The following ABCC10 variants were observed in gnomAD, a reference collection of about 807,000 sequenced individuals.
ABCC10 encodes the protein ATP binding cassette subfamily C member 10, also known as ATP-binding cassette sub-family C member 10.
A neutral mutation model predicts 143.2 loss-of-function variants in ABCC10; 110 were observed. That is an observed-to-expected ratio of 0.77 (90% CI 0.66 to 0.90). The LOEUF (loss-of-function observed/expected upper bound fraction) is 0.90, where lower values mean the gene tolerates loss of function less well. ABCC10 is among the 40% of genes least tolerant of loss of function. The probability of loss-of-function intolerance (pLI) is 0.00; values close to 1 mark genes in which losing one functional copy is unlikely to be tolerated. For missense variants in ABCC10, 1,700 were observed against 1,900.5 expected (o/e 0.89, Z 1.96); for synonymous variants, 805 against 846.7 (o/e 0.95, Z 0.85).
At position 43,449,264 on chromosome 6, in the gene ABCC10, G is replaced by A. The variant is rs944760656; in HGVS notation, c.4203+60G>A. ...GGAAGAAGGCTGGGGGCCGGGAGGT[G>A]GGGAGGTAGAGTGGGGAGAGGTTTT... On this transcript the variant is annotated intron_variant, in intron 20 of 21. Coordinates refer to ENST00000372530, the MANE Select transcript of ABCC10 (RefSeq NM_001198934.2). 15 of 1,586,198 alleles carry A rather than the reference G, an allele frequency of 9.5e-6. No homozygotes were observed. In the African/African-American group the frequency reaches 1.5e-4, roughly 16 times the overall value.
Position 43,433,005 on chromosome 6 carries a change from A to G in ABCC10, c.1025A>G (p.Asn342Ser), listed in dbSNP as rs150374334. Reference protein sequence around the residue: ...GGAVLGAVLQNQYGYEVYKVT... With the variant: ...GGAVLGAVLQSQYGYEVYKVT... Reference sequence around the variant, plus strand: ...GCTGTGCTGGGTGCTGTGCTGCAGAATCAGTATGGGTATGAGGTATATAAG... The same window carrying G: ...GCTGTGCTGGGTGCTGTGCTGCAGAGTCAGTATGGGTATGAGGTATATAAG... Residue 342 changes from asparagine (N) to serine (S), a missense_variant, in exon 3 of 22, where the codon AAT (asparagine) becomes AGT (serine). Coordinates refer to ENST00000372530, the MANE Select transcript of ABCC10 (RefSeq NM_001198934.2). 111 of 1,614,168 alleles carry G rather than the reference A, an allele frequency of 6.9e-5. No homozygotes were observed. The African/African-American group carries it at 1.4e-3, about 20-fold the overall frequency.
At chr6:43,446,472 A>G in intron 16 of ABCC10, 26 bp downstream of exon 16, 2 of 1,597,408 alleles carry the variant, frequency 1.3e-6, no homozygotes, top group Non-Finnish European at 1.7e-6. Flanking sequence ...CCTCACCCCT[A>G]CCTCATCCAC....
chr6:43,443,126 C>T lies in ABCC10; in HGVS notation c.2383C>T (p.Leu795=), dbSNP rs374539215. The T allele has an allele frequency of 3.7e-6, 6 of 1,608,310 alleles. No homozygotes were observed. The African/African-American group carries it at 4.0e-5, about 11-fold the overall frequency. The change falls in exon 10 of 22, where the codon CTG becomes TTG. Residue 795 remains leucine, a synonymous_variant. Transcript: ENST00000372530. This position sits in a 1 kb window ranked among gnomAD's most constrained non-coding sequence, Gnocchi z 4.2. ...GTACCTGGAGAGGGCTGACGCGGTG[C>T]TGCTGATGGAGGCCGGGCGCCTCAT... ...TEYLERADAV[L]LMEAGRLIRA...
At chr6:43,440,424 C>T (rs1782270670) in intron 8 of ABCC10, among the ~76,000 whole-genome samples, 1 of 152,178 alleles carries the variant, frequency 6.6e-6, no homozygotes, top group Non-Finnish European at 1.5e-5. Context: ...CATCTCTTTC[C>T]TTAGTGCCTA....
rs1362370082 is a variant in ABCC10, at chr6:43,434,742, A to G, written c.1502A>G (p.Tyr501Cys). The G allele has an allele frequency of 1.2e-6, 2 of 1,614,110 alleles. No individual in the cohort carries two copies. The highest frequency in any genetic ancestry group is 2.2e-5 in the South Asian group (2 of 91,082). Residue 501 changes from tyrosine to cysteine, a missense_variant, in exon 4 of 22, where the codon TAC becomes TGC. Coordinates refer to ENST00000372530, the MANE Select transcript of ABCC10 (RefSeq NM_001198934.2). ...RELGRLRVIK[Y>C]LDAACVYLWA... is the part of the protein sequence containing the mutation. Reference sequence around the variant, plus strand: ...CTGGGGCGACTCCGGGTCATCAAATACCTGGATGCGGCCTGTGTATACCTG... The same window carrying G: ...CTGGGGCGACTCCGGGTCATCAAATGCCTGGATGCGGCCTGTGTATACCTG...
intron 6 of ABCC10, 132 bp downstream of exon 6, chr6:43,436,379 A>G (rs949237346): frequency 8.9e-7 from 1 of 1,129,810 alleles, no homozygotes; most frequent in African/African-American, 1.6e-5. Flanking sequence ...AGGGATAGGC[A>G]TTTGGTGAGC....
At chr6:43,430,140 G>T (rs998826286) in intron 2 of ABCC10, among the ~76,000 whole-genome samples, 2 of 150,692 alleles carry the variant, frequency 1.3e-5, no homozygotes, top group Non-Finnish European at 3.0e-5. Context: ...ACCCAGGCTG[G>T]AGAGCAGTGG....
chr6:43,429,906 C>A (rs1354309640), intron 2 of ABCC10, among the ~76,000 whole-genome samples: 1 of 152,114 alleles, frequency 6.6e-6, no homozygotes, highest in Non-Finnish European at 1.5e-5. Flanking sequence ...CACCACTGCA[C>A]TCCAGCCTGG....
intron 2 of ABCC10, among the ~76,000 whole-genome samples, chr6:43,429,945 G>GA (rs1163266553): frequency 6.6e-6 from 1 of 152,088 alleles, no homozygotes; most frequent in Non-Finnish European, 1.5e-5. Context: ...GTCTCAAAAA[G>GA]AAAAAATTAT....
Position 43,449,982 on chromosome 6 carries a change from TG to T in ABCC10, c.4372del (p.Val1458Ter), listed in dbSNP as rs781036215. The T allele has an allele frequency of 6.2e-6, 10 of 1,612,990 alleles. No individual in the cohort carries two copies. The highest frequency in any genetic ancestry group is 8.5e-6 in the Non-Finnish European group (10 of 1,179,776). On this transcript the variant is annotated frameshift_variant, in exon 22 of 22. Transcript: ENST00000372530. LOFTEE classifies it high-confidence loss of function. Reference sequence around the variant, plus strand: ...GTGCTGGTGCTACAAGCGGGGAGAGTGGTAGAGCTGGACTCCCCGGCCACCC... The same window carrying T: ...GTGCTGGTGCTACAAGCGGGGAGAGTGTAGAGCTGGACTCCCCGGCCACCC... ...DRVLVLQAGR[V>X]VELDSPATLR...
intron 4 of ABCC10, 151 bp downstream of exon 4, chr6:43,434,999 G>A: frequency 3.9e-6 from 3 of 763,402 alleles, no homozygotes; most frequent in Non-Finnish European, 6.3e-6. Context: ...ACCTTTTTGT[G>A]GGGGCCTTGG....
chr6:43,433,218 A>G lies in ABCC10; in HGVS notation c.1238A>G (p.Tyr413Cys), dbSNP rs1368719737. 1.2e-6 allele frequency: 2 copies of G among 1,614,034 alleles called. No individual in the cohort carries two copies. Among genetic ancestry groups the G allele is most frequent in the South Asian group, 1.1e-5 (1 of 91,080 alleles). ...GLPLQLAITL[Y>C]LLYQQVGVAF... ...CCCCTGCAACTGGCCATCACCCTCT[A>G]CCTGCTGTACCAGCAGGTAGGCGTG... is the stretch of plus-strand genomic sequence containing the variant. The change falls in exon 3 of 22, where the codon TAC becomes TGC. Residue 413 changes from tyrosine (Y) to cysteine (C), a missense_variant. By Grantham distance (194) the Tyr-to-Cys change is radical. Transcript: ENST00000372530.
At chr6:43,439,296 C>T (rs1782078039) in intron 8 of ABCC10, among the ~76,000 whole-genome samples, 1 of 152,208 alleles carries the variant, frequency 6.6e-6, no homozygotes, top group South Asian at 2.1e-4. Context: ...CCACCACTAC[C>T]CTACCCAGGT....
intron 3 of ABCC10, 21 bp from the exon 4 acceptor site, chr6:43,434,600 T>C: frequency 6.2e-7 from 1 of 1,605,286 alleles, no homozygotes; most frequent in Non-Finnish European, 8.5e-7. Flanking sequence ...TTCACGCCTC[T>C]CCCTTGTCTC....
downstream of ABCC10, chr6:43,451,313 C>A: frequency 6.3e-7 from 1 of 1,594,932 alleles, no homozygotes. This position sits in a 1 kb window ranked among gnomAD's most constrained non-coding sequence, Gnocchi z 4.4. Flanking sequence ...AACCAACTTA[C>A]CAACACCTGT....
Position 43,431,181 on chromosome 6 carries a change from G to A in ABCC10, c.162-961G>A, listed in dbSNP as rs1177635441. On this transcript the variant is annotated intron_variant, in intron 2 of 21. Transcript: ENST00000372530. ...CCACCTTCTATAATCAGTGGAAAGA[G>A]AGTAGAATATTCCAAGCCTTTATAA... 2.0e-5 allele frequency among the ~76,000 whole-genome samples: 3 copies of A among 152,316 alleles called. No individual in the cohort carries two copies. In the East Asian group the frequency reaches 5.8e-4, roughly 29 times the overall value.
In ABCC10 at chr6:43,439,648, A is replaced by G. The variant is rs186328362; in HGVS notation, c.2127+853A>G. Among the ~76,000 whole-genome samples the G allele has an allele frequency of 3.9e-5, 6 of 152,282 alleles. No individual in the cohort carries two copies. In the East Asian group the frequency reaches 1.2e-3, roughly 29 times the overall value. ...TGCCAGGCTGGAGTGCAGTGGCACA[A>G]TCTCGGCTCACTGCAACCTCCGCCT... On this transcript the variant is annotated intron_variant, in intron 8 of 21. Transcript: ENST00000372530.
rs900341984 is a variant in ABCC10, at chr6:43,427,762, GT to G, written c.-12+6del. 1.6e-6 allele frequency: 1 copy of G among 612,900 alleles called. No homozygotes were observed. The highest frequency in any genetic ancestry group is 2.9e-6 in the Non-Finnish European group (1 of 343,148). 38.0% of individuals were successfully genotyped at this position (612,900 alleles called of 1,614,324 possible). A position where few individuals can be genotyped will look rare whatever the true frequency, so the allele number is the denominator to read the frequency against. On this transcript the variant is annotated splice_donor_region_variant and intron_variant, in intron 1 of 21. Transcript: ENST00000372530. ...AGGGGAAAAACAGATGGCAAGGTGGGTGACCAGCGTCCAGAAATCCACTGGG... is the reference window on the plus strand; with the variant it reads ...AGGGGAAAAACAGATGGCAAGGTGGGGACCAGCGTCCAGAAATCCACTGGG...
rs1305350478 is a variant in ABCC10 at position 43,427,802 on chromosome 6, G to T, written c.-12+45G>T. ...AAATCCACTGGGGAAACCTCCTCCC[G>T]TTTTTACCCTTGGTACCGCGAGAAT... On this transcript the variant is annotated intron_variant, in intron 1 of 21. Coordinates refer to ENST00000372530, the MANE Select transcript of ABCC10 (RefSeq NM_001198934.2). 12 of 731,716 alleles carry T rather than the reference G, an allele frequency of 1.6e-5. No homozygotes were observed. The South Asian group carries it at 2.0e-4, about 12-fold the overall frequency. The allele number at this position is 731,716 out of a possible 1,614,324, so 45.3% of individuals were successfully genotyped here.
Sources: gnomAD v4.1 joint callset for allele counts (sites outside exome capture counted in the v4.1 genomes callset) on GRCh38, gnomAD v4.1.1 for gene constraint, Gnocchi (gnomAD v3.1) non-coding constraint, MANE v1.5 for transcripts, NCBI Gene and HGNC (gene_info 2026-07-23, HGNC 2026-07-21) for gene names.